The following SMOC2 variants were observed in gnomAD, a reference collection of about 807,000 sequenced individuals.
SMOC2 encodes the protein SPARC-related modular calcium-binding protein 2.
Under a neutral mutation model 61.4 loss-of-function variants are expected in SMOC2, and 39 were observed. The ratio of observed to expected loss-of-function variants is 0.64; its 90% CI spans 0.49 to 0.83. SMOC2 has a LOEUF of 0.83. SMOC2 is among the 40% of genes least tolerant of loss of function. The pLI is 0.00. For missense variants in SMOC2, 556 were observed against 592.9 expected, an observed-to-expected ratio of 0.94 and a Z score of 0.65; for synonymous variants, 247 against 239.9, an observed-to-expected ratio of 1.03 and a Z score of -0.27.
At chr6:168,526,297 A>C (rs946726698) in intron 2 of SMOC2, 49 bp from the exon 3 acceptor site, 1 of 1,514,128 alleles carries the variant, frequency 6.6e-7, no homozygotes, top group African/African-American at 1.4e-5. Flanking sequence ...TATCTGTTCT[A>C]TCTTCTTCCC....
At chr6:168,559,549 C>A (rs1365263309) in intron 7 of SMOC2, among the ~76,000 whole-genome samples, 1 of 152,146 alleles carries the variant, frequency 6.6e-6, no homozygotes, top group Non-Finnish European at 1.5e-5. Flanking sequence ...CCATGGTCTT[C>A]CCATCAGTTA....
intron 1 of SMOC2, among the ~76,000 whole-genome samples, chr6:168,459,186 G>A (rs979539000): frequency 1.3e-5 from 2 of 152,188 alleles, no homozygotes; most frequent in Non-Finnish European, 2.9e-5. Flanking sequence ...AGGTCCTGGA[G>A]CAAACGGTTT....
chr6:168,586,207 TATCTC>T (rs1785044305), intron 7 of SMOC2, among the ~76,000 whole-genome samples: 1 of 152,232 alleles, frequency 6.6e-6, no homozygotes, highest in Non-Finnish European at 1.5e-5. Context: ...GTCATGTAGA[TATCTC>T]ATTGTTGTAG....
rs1783707749 is a variant in SMOC2 at position 168,535,375 on chromosome 6, G to A, written c.463+7648G>A. On this transcript the variant is annotated intron_variant, in intron 4 of 12. Coordinates refer to ENST00000356284, the MANE Select transcript of SMOC2 (RefSeq NM_001166412.2). The surrounding 1 kb of genome is among the most constrained non-coding windows in gnomAD (Gnocchi z 4.6). ...ACAGCACCTTTTTTCACTATATGCA[G>A]CTACAACAGTTAAATGTTGCAAAGA... Among the ~76,000 whole-genome samples the A allele has an allele frequency of 6.6e-6, 1 of 152,086 alleles. No homozygotes were observed. The highest frequency in any genetic ancestry group is 1.5e-5 in the Non-Finnish European group (1 of 68,028).
At chr6:168,595,453 A>AC (rs1195562600) in intron 7 of SMOC2, among the ~76,000 whole-genome samples, 3 of 151,802 alleles carry the variant, frequency 2.0e-5, no homozygotes, top group Non-Finnish European at 2.9e-5. Flanking sequence ...AGAGAGAACC[A>AC]CCCCCGTCAG....
intron 4 of SMOC2, among the ~76,000 whole-genome samples, chr6:168,531,487 A>T (rs1783601432): frequency 6.6e-6 from 1 of 152,124 alleles, no homozygotes; most frequent in Non-Finnish European, 1.5e-5. Flanking sequence ...GATGCTTAGG[A>T]GCTGGTGGAA....
rs117120116 is a variant in SMOC2, at chr6:168,653,248, C to T, written c.1285+20C>T. 195 of 1,551,724 alleles carry T rather than the reference C, an allele frequency of 1.3e-4. 1 individual carries two copies. The East Asian group carries it at 3.3e-3, about 26-fold the overall frequency. Reference sequence around the variant, plus strand: ...GCCACAGTAAGAGCTTTCCCACCCCCGACCCTGGGCAGTGGTCAGGCCCTG... The same window carrying T: ...GCCACAGTAAGAGCTTTCCCACCCCTGACCCTGGGCAGTGGTCAGGCCCTG... On this transcript the variant is annotated intron_variant, in intron 11 of 12. Coordinates refer to ENST00000356284, the MANE Select transcript of SMOC2 (RefSeq NM_001166412.2).
chr6:168,575,849 C>G (rs944058583), intron 7 of SMOC2, among the ~76,000 whole-genome samples: 4 of 151,108 alleles, frequency 2.6e-5, no homozygotes, highest in South Asian at 2.1e-4. Context: ...TTGATCATCA[C>G]TCAGTTCCTC....
At chr6:168,513,987 G>A (rs919240933) in intron 2 of SMOC2, among the ~76,000 whole-genome samples, 2 of 151,862 alleles carry the variant, frequency 1.3e-5, no homozygotes, top group Admixed American at 1.3e-4. Flanking sequence ...GGGGTGGCAG[G>A]ACACCTCCCT....
chr6:168,555,754 G>A (rs1310066129), intron 7 of SMOC2, among the ~76,000 whole-genome samples: 1 of 152,254 alleles, frequency 6.6e-6, no homozygotes, highest in Admixed American at 6.5e-5. Context: ...GTGGCCGCCC[G>A]GACACACCTT....
rs764851964 is a variant in SMOC2, at chr6:168,599,388, TCA to T, written c.824+394_824+395del. Among the ~76,000 whole-genome samples the T allele has an allele frequency of 5.5e-3, 422 of 76,892 alleles. 5 individuals carry two copies. Among genetic ancestry groups the T allele is most frequent in the Middle Eastern group, 0.027 (2 of 74 alleles). The allele number at this position is 76,892 out of a possible 152,430, so 50.4% of individuals were successfully genotyped here. On this transcript the variant is annotated intron_variant, in intron 8 of 12. Transcript: ENST00000356284. Reference sequence around the variant, plus strand: ...ACAATCATACCACACACACCCACACTCACACACACACTGACACACACACATTC... The same window carrying T: ...ACAATCATACCACACACACCCACACTCACACACACTGACACACACACATTC...
chr6:168,623,108 G>A (rs925918413), intron 9 of SMOC2, among the ~76,000 whole-genome samples: 1 of 152,156 alleles, frequency 6.6e-6, no homozygotes, highest in African/African-American at 2.4e-5. Flanking sequence ...GAGATGATCT[G>A]TTTAATTCTG....
intron 1 of SMOC2, among the ~76,000 whole-genome samples, chr6:168,456,194 T>A (rs530050174): frequency 6.6e-6 from 1 of 152,334 alleles, no homozygotes; most frequent in Admixed American, 6.5e-5. Context: ...AATTGCTAGA[T>A]AGTTTAAAAG....
intron 9 of SMOC2, 61 bp from the exon 10 acceptor site, chr6:168,650,620 T>G: frequency 6.7e-7 from 1 of 1,497,368 alleles, no homozygotes; most frequent in Non-Finnish European, 9.2e-7. Flanking sequence ...TTCCCTGTAT[T>G]TTAGAGGAAA....
intron 9 of SMOC2, among the ~76,000 whole-genome samples, chr6:168,610,298 C>T (rs541394774): frequency 4.6e-5 from 7 of 152,306 alleles, no homozygotes; most frequent in African/African-American, 1.7e-4. Flanking sequence ...ATCAAAGCCA[C>T]GTGACGCAAA....
intron 4 of SMOC2, among the ~76,000 whole-genome samples, chr6:168,540,623 C>T (rs1783856027): frequency 6.6e-6 from 1 of 152,180 alleles, no homozygotes; most frequent in African/African-American, 2.4e-5. Flanking sequence ...AGCGCCACAT[C>T]CTCAGAAATT....
chr6:168,622,474 T>G (rs560227548), intron 9 of SMOC2, among the ~76,000 whole-genome samples: 22 of 151,816 alleles, frequency 1.4e-4, no homozygotes, highest in Non-Finnish European at 2.5e-4. Flanking sequence ...GTCTCCCCTT[T>G]GTTCTCGCCA....
intron 7 of SMOC2, among the ~76,000 whole-genome samples, chr6:168,584,879 C>T (rs1485373362): frequency 6.6e-6 from 1 of 152,166 alleles, no homozygotes; most frequent in Non-Finnish European, 1.5e-5. Flanking sequence ...ACATCCATCC[C>T]GGGACAGCCC....
chr6:168,502,923 C>G (rs111775141), intron 1 of SMOC2, among the ~76,000 whole-genome samples: 70 of 151,640 alleles, frequency 4.6e-4, no homozygotes, highest in African/African-American at 1.6e-3. Flanking sequence ...TGTGTCACCA[C>G]GCCTGGCTAA....
Sources: allele counts gnomAD v4.1 joint callset (sites outside exome capture counted in the v4.1 genomes callset), GRCh38; gene constraint gnomAD v4.1.1; non-coding constraint Gnocchi (gnomAD v3.1); transcripts MANE v1.5; gene names NCBI Gene and HGNC (gene_info 2026-07-23, HGNC 2026-07-21).